The following AUTS2 variants were observed in gnomAD, a reference collection of about 807,000 sequenced individuals.
AUTS2 encodes activator of transcription and developmental regulator AUTS2, also known as autism susceptibility gene 2 protein.
AUTS2 carries 17 observed loss-of-function variants against 112.4 expected under a neutral mutation model. The observed-to-expected ratio is 0.15, with a 90% CI of 0.10 to 0.23. AUTS2 has a LOEUF of 0.23. Ranked by LOEUF, AUTS2 falls within the 10% of genes least tolerant of loss-of-function variation. The pLI is 1.00. For missense variants in AUTS2, 1,510 were observed against 1,701.6 expected (o/e 0.89, Z 1.98); for synonymous variants, 751 against 702.7 (o/e 1.07, Z -1.09).
chr7:69,939,234 G>A (rs1035377346), intron 2 of AUTS2, among the ~76,000 whole-genome samples: 1 of 152,132 alleles, frequency 6.6e-6, no homozygotes, highest in African/African-American at 2.4e-5. Context: ...CATTCAAGAA[G>A]TAAAATTCAA....
intron 1 of AUTS2, among the ~76,000 whole-genome samples, chr7:69,644,980 C>T (rs549613390): frequency 5.3e-4 from 81 of 152,156 alleles, no homozygotes; most frequent in African/African-American, 1.9e-3. Context: ...GCTATTATAG[C>T]TCACTGCAGC....
chr7:69,599,384 C>T lies in AUTS2; in HGVS notation c.-270C>T, dbSNP rs1792241770. 5.7e-6 allele frequency: 2 copies of T among 351,844 alleles called. No homozygotes were observed. Among genetic ancestry groups the T allele is most frequent in the African/African-American group, 2.1e-5 (1 of 47,140 alleles). 21.8% of individuals were successfully genotyped at this position (351,844 alleles called of 1,614,324 possible). Reference sequence around the variant, plus strand: ...GGCGCTGCTCCCAGGCATCTCCGACCCTCGGTGCTGTGGGGAGCCCCACAC... The same window carrying T: ...GGCGCTGCTCCCAGGCATCTCCGACTCTCGGTGCTGTGGGGAGCCCCACAC... On this transcript the variant is annotated 5_prime_UTR_variant, in exon 1 of 19. Coordinates refer to ENST00000342771, the MANE Select transcript of AUTS2 (RefSeq NM_015570.4). This position sits in a 1 kb window ranked among gnomAD's most constrained non-coding sequence, Gnocchi z 7.0.
At chr7:70,479,852 C>G (rs1797720998) in intron 5 of AUTS2, among the ~76,000 whole-genome samples, 1 of 152,144 alleles carries the variant, frequency 6.6e-6, no homozygotes, top group Non-Finnish European at 1.5e-5. Flanking sequence ...AACCCAGGGC[C>G]CAGAGAAACC....
intron 3 of AUTS2, among the ~76,000 whole-genome samples, chr7:70,123,357 T>A (rs754027390): frequency 1.6e-4 from 25 of 152,200 alleles, no homozygotes; most frequent in Non-Finnish European, 2.8e-4. Flanking sequence ...GTTTGTAATA[T>A]AGGTAAACTC....
At chr7:70,246,338 C>G (rs1439192306) in intron 4 of AUTS2, among the ~76,000 whole-genome samples, 1 of 152,004 alleles carries the variant, frequency 6.6e-6, no homozygotes, top group Admixed American at 6.6e-5. Context: ...ACACTTAATT[C>G]ATTGCTTTAT....
intron 2 of AUTS2, among the ~76,000 whole-genome samples, chr7:70,004,385 TTA>T (rs1440780177): frequency 1.7e-5 from 2 of 119,498 alleles, no homozygotes; most frequent in African/African-American, 3.2e-5. Flanking sequence ...CATATATATA[TTA>T]TATATATGAA....
At chr7:69,653,607 G>T (rs762644955) in intron 1 of AUTS2, among the ~76,000 whole-genome samples, 19 of 150,822 alleles carry the variant, frequency 1.3e-4, no homozygotes, top group Non-Finnish European at 2.5e-4. Context: ...TTCTCTGTAT[G>T]TGCATGCATG....
chr7:70,052,356 C>T (rs1801794030), intron 2 of AUTS2, among the ~76,000 whole-genome samples: 1 of 152,114 alleles, frequency 6.6e-6, no homozygotes, highest in African/African-American at 2.4e-5. Flanking sequence ...AGGCTCCAAG[C>T]AAGATACTGT....
intron 5 of AUTS2, among the ~76,000 whole-genome samples, chr7:70,440,134 A>G (rs2130920895): frequency 6.6e-6 from 1 of 151,218 alleles, no homozygotes; most frequent in South Asian, 2.1e-4. Flanking sequence ...TAATCCCAGC[A>G]CTTAGGGAGG....
intron 4 of AUTS2, among the ~76,000 whole-genome samples, chr7:70,238,248 G>T (rs768901833): frequency 6.6e-6 from 1 of 152,182 alleles, no homozygotes; most frequent in East Asian, 1.9e-4. Flanking sequence ...ATGGAATGTA[G>T]AAGTGAAAAT....
intron 2 of AUTS2, among the ~76,000 whole-genome samples, chr7:70,085,016 G>A (rs924321791): frequency 2.0e-5 from 3 of 152,030 alleles, no homozygotes; most frequent in Non-Finnish European, 2.9e-5. Context: ...AGGATTACAG[G>A]CACGAACTAC....
At chr7:70,639,862 C>T (rs777728003) in intron 5 of AUTS2, among the ~76,000 whole-genome samples, 4 of 152,092 alleles carry the variant, frequency 2.6e-5, no homozygotes, top group Non-Finnish European at 4.4e-5. Context: ...GAGGAAACCC[C>T]TCCATTCCCT....
intron 5 of AUTS2, among the ~76,000 whole-genome samples, chr7:70,649,227 A>AAGTT (rs1158434140): frequency 6.6e-6 from 1 of 151,992 alleles, no homozygotes; most frequent in African/African-American, 2.4e-5. Flanking sequence ...TTTAGATTAG[A>AAGTT]AGTTTGAGAC....
intron 2 of AUTS2, among the ~76,000 whole-genome samples, chr7:70,024,789 G>A (rs866607268): frequency 1.3e-4 from 20 of 152,184 alleles, no homozygotes; most frequent in South Asian, 6.2e-4. Flanking sequence ...TCTCTTCTTT[G>A]TGATACCTTA....
At chr7:70,691,434 A>ACC in intron 5 of AUTS2, among the ~76,000 whole-genome samples, 1 of 150,788 alleles carries the variant, frequency 6.6e-6, no homozygotes, top group Non-Finnish European at 1.5e-5. Flanking sequence ...AAAAAAAAAA[A>ACC]CAATCTTCCT....
intron 5 of AUTS2, among the ~76,000 whole-genome samples, chr7:70,626,953 G>C (rs1380219802): frequency 6.6e-6 from 1 of 152,200 alleles, no homozygotes; most frequent in Non-Finnish European, 1.5e-5. Context: ...CTTCACTCTT[G>C]TGAATAGTGC....
intron 1 of AUTS2, among the ~76,000 whole-genome samples, chr7:69,844,390 G>A (rs1418603269): frequency 6.6e-6 from 1 of 152,082 alleles, no homozygotes; most frequent in Admixed American, 6.6e-5. Flanking sequence ...AATCCAAAAT[G>A]TGCCTGAGAA....
At chr7:69,786,121 T>C (rs1789362350) in intron 1 of AUTS2, among the ~76,000 whole-genome samples, 1 of 152,172 alleles carries the variant, frequency 6.6e-6, no homozygotes, top group Non-Finnish European at 1.5e-5. Context: ...CTTGCAAAAC[T>C]TTTCTGTCTA....
intron 3 of AUTS2, among the ~76,000 whole-genome samples, chr7:70,127,819 C>T (rs1806057974): frequency 6.6e-6 from 1 of 152,182 alleles, no homozygotes; most frequent in Non-Finnish European, 1.5e-5. Context: ...CCTTCTCCTA[C>T]TTCAAATCTT....
Sources: allele counts gnomAD v4.1 joint callset (sites outside exome capture counted in the v4.1 genomes callset), GRCh38; gene constraint gnomAD v4.1.1; non-coding constraint Gnocchi (gnomAD v3.1); transcripts MANE v1.5; gene names NCBI Gene and HGNC (gene_info 2026-07-23, HGNC 2026-07-21).